ZZEF1: variants seen among roughly 807,000 people sequenced by gnomAD.
ZZEF1 encodes the protein zinc finger ZZ-type and EF-hand domain-containing protein 1.
A neutral mutation model predicts 342.8 loss-of-function variants in ZZEF1; 157 were observed. The observed-to-expected ratio is 0.46, with a 90% CI of 0.40 to 0.52. The LOEUF (loss-of-function observed/expected upper bound fraction) is 0.52. Among genes scored for constraint, ZZEF1 ranks in the 20% least tolerant of loss-of-function variants. The pLI, the probability that ZZEF1 is intolerant of heterozygous loss-of-function variation, is 0.00. For synonymous variants in ZZEF1, 1,505 were observed against 1,429.1 expected, an observed-to-expected ratio of 1.05 and a Z score of -1.20; for missense variants, 3,480 against 3,725.6, an observed-to-expected ratio of 0.93 and a Z score of 1.72.
chr17:4,137,800 G>T (rs563712488), intron 1 of ZZEF1, among the ~76,000 whole-genome samples: 2 of 152,324 alleles, frequency 1.3e-5, no homozygotes, highest in East Asian at 3.9e-4. Flanking sequence ...GATCTGTACA[G>T]AACAGGTAAC....
In ZZEF1 at chr17:4,064,544, G is replaced by A; in HGVS notation, c.4535C>T (p.Thr1512Ile). 2 of 1,614,210 alleles carry A rather than the reference G, an allele frequency of 1.2e-6. No individual in the cohort carries two copies. Among genetic ancestry groups the A allele is most frequent in the Non-Finnish European group, 1.7e-6 (2 of 1,180,048 alleles). Reference protein sequence around the residue: ...GLPAADVSPATAEEPLSPSTP... With the variant: ...GLPAADVSPAIAEEPLSPSTP... ...GGAAGGTGACAAGGGCTCTTCAGCTGTGGCAGGGGACACGTCTGCAGCAGG... is the reference window on the plus strand; with the variant it reads ...GGAAGGTGACAAGGGCTCTTCAGCTATGGCAGGGGACACGTCTGCAGCAGG... The change falls in exon 29 of 55, where the codon ACA (threonine) becomes ATA (isoleucine). Residue 1512 changes from threonine to isoleucine, a missense_variant. This residue lies in a region of ZZEF1 where 1,528 missense variants were observed against 1,624.1 expected (regional missense o/e 0.94). Transcript: ENST00000381638.
intron 1 of ZZEF1, among the ~76,000 whole-genome samples, chr17:4,131,092 A>G (rs1186995701): frequency 6.6e-6 from 1 of 152,164 alleles, no homozygotes; most frequent in Non-Finnish European, 1.5e-5. Flanking sequence ...AAGGTTCTCA[A>G]AAGATGAACT....
Position 4,062,674 on chromosome 17 carries a change from T to C in ZZEF1, c.4883+79A>G, listed in dbSNP as rs2057309471. 7 of 1,409,826 alleles carry C rather than the reference T, an allele frequency of 5.0e-6. No individual in the cohort carries two copies. The South Asian group carries it at 8.8e-5, about 18-fold the overall frequency. The allele number at this position is 1,409,826 out of a possible 1,614,324, so 87.3% of individuals were successfully genotyped here. On this transcript the variant is annotated intron_variant, in intron 30 of 54. Transcript: ENST00000381638. ...GTATCCTACATAGAAATGATGCTGC[T>C]ATTAATCAGAGAAGATAATCAGGAT...
chr17:4,054,691 C>G (rs781849), intron 33 of ZZEF1, among the ~76,000 whole-genome samples: 4,524 of 152,262 alleles, frequency 0.03, 214 homozygotes, highest in African/African-American at 0.1. Flanking sequence ...CACAAAGGGC[C>G]TTGCATATCA....
Position 4,034,272 on chromosome 17 carries a change from T to C in ZZEF1, c.6327A>G (p.Ile2109Met), listed in dbSNP as rs1216066161. The C allele has an allele frequency of 6.2e-7, 1 of 1,614,096 alleles. No individual in the cohort carries two copies. Among genetic ancestry groups the C allele is most frequent in the African/African-American group, 1.3e-5 (1 of 74,928 alleles). ...TGAGTGGAAGGACGTGCTCCAGGTC[T>C]ATCAGGGGAACCGTGGGGCCCTGCC... ...PLKSGPTVPLIDLEHVLPLMF... is the reference protein window; with the variant it reads ...PLKSGPTVPLMDLEHVLPLMF... Residue 2109 changes from isoleucine to methionine, a missense_variant, in exon 40 of 55, where the codon ATA (isoleucine) becomes ATG (methionine). Transcript: ENST00000381638.
chr17:4,020,487 C>T (rs928947436), intron 45 of ZZEF1, among the ~76,000 whole-genome samples: 1 of 151,426 alleles, frequency 6.6e-6, no homozygotes, highest in Admixed American at 6.6e-5. Context: ...GGACTACAGG[C>T]GCATGCCACA....
chr17:4,024,205 T>TTTG (rs1567770332), intron 43 of ZZEF1, among the ~76,000 whole-genome samples: 8 of 144,074 alleles, frequency 5.6e-5, no homozygotes, highest in African/African-American at 1.8e-4. Context: ...TTTTTTTTTT[T>TTTG]TTTTTTTTTA....
At position 4,053,919 on chromosome 17, in the gene ZZEF1, G is replaced by A. The variant is rs568365241; in HGVS notation, c.5434+138C>T. 4 of 944,058 alleles carry A rather than the reference G, an allele frequency of 4.2e-6. No individual in the cohort carries two copies. The Admixed American group carries it at 9.0e-5, about 21-fold the overall frequency. The allele number at this position is 944,058 out of a possible 1,614,324, so 58.5% of individuals were successfully genotyped here. On this transcript the variant is annotated intron_variant, in intron 34 of 54. Transcript: ENST00000381638. ...ATTTAGTTGAGGAGATAAGGCTCAT[G>A]TTCGCCAAGAAGTCAGAGAAAATAC...
intron 36 of ZZEF1, 102 bp from the exon 37 acceptor site, chr17:4,049,961 T>C: frequency 7.3e-7 from 1 of 1,368,000 alleles, no homozygotes; most frequent in Non-Finnish European, 1.0e-6. Flanking sequence ...AATAAATAAA[T>C]GAGTTCTGCA....
chr17:4,062,838 C>CTGCACAGTGCTGAGT lies in ZZEF1; in HGVS notation c.4783_4797dup (p.Thr1595_Ala1599dup), dbSNP rs773811357. The stretch of plus-strand genomic sequence containing the variant: ...AAGCAGTGGGGCTGCCCAAGGGATT[C>CTGCACAGTGCTGAGT]TGCACAGTGCTGAGTTATCTTCAGG... On this transcript the variant is annotated inframe_insertion, in exon 30 of 55. Coordinates refer to ENST00000381638, the MANE Select transcript of ZZEF1 (RefSeq NM_015113.4). 13 of 1,613,530 alleles carry CTGCACAGTGCTGAGT rather than the reference C, an allele frequency of 8.1e-6. No individual in the cohort carries two copies. The highest frequency in any genetic ancestry group is 9.3e-6 in the Non-Finnish European group (11 of 1,179,834).
chr17:4,118,473 C>A (rs1457920043), intron 2 of ZZEF1, among the ~76,000 whole-genome samples: 1 of 152,190 alleles, frequency 6.6e-6, no homozygotes, highest in African/African-American at 2.4e-5. Context: ...CAAACAGCAT[C>A]CCTGTCTGCC....
At position 4,088,903 on chromosome 17, in the gene ZZEF1, A is replaced by C; in HGVS notation, c.2026-10T>G. 1 of 1,613,030 alleles carries C rather than the reference A, an allele frequency of 6.2e-7. No homozygotes were observed. Among genetic ancestry groups the C allele is most frequent in the South Asian group, 1.1e-5 (1 of 91,016 alleles). ...ACTTCACCATCAAATACTGGACAGG[A>C]CAAGAGAGATTTCAATAGAAGAACT... On this transcript the variant is annotated splice_polypyrimidine_tract_variant and intron_variant, in intron 12 of 54. Coordinates refer to ENST00000381638, the MANE Select transcript of ZZEF1 (RefSeq NM_015113.4).
Position 4,006,634 on chromosome 17 carries a change from T to G in ZZEF1, c.*256A>C. On this transcript the variant is annotated 3_prime_UTR_variant, in exon 55 of 55. Coordinates refer to ENST00000381638, the MANE Select transcript of ZZEF1 (RefSeq NM_015113.4). ...CTGGAGAAGGCTGGTCTCTGAACCTTCTTAAGGGCCCCCTGCCCACCCTTT... is the reference window on the plus strand; with the variant it reads ...CTGGAGAAGGCTGGTCTCTGAACCTGCTTAAGGGCCCCCTGCCCACCCTTT... 2 of 523,212 alleles carry G rather than the reference T, an allele frequency of 3.8e-6. No individual in the cohort carries two copies. Among genetic ancestry groups the G allele is most frequent in the Non-Finnish European group, 6.9e-6 (2 of 288,988 alleles). The allele number at this position is 523,212 out of a possible 1,614,324, so 32.4% of individuals were successfully genotyped here. A position where few individuals can be genotyped will look rare whatever the true frequency, so the allele number is the denominator to read the frequency against.
At chr17:4,089,224 T>C (rs1285200478) in intron 12 of ZZEF1, among the ~76,000 whole-genome samples, 1 of 152,112 alleles carries the variant, frequency 6.6e-6, no homozygotes, top group Admixed American at 6.6e-5. Context: ...AAATCAGATA[T>C]AAGACGAAAA....
chr17:4,135,706 A>C (rs992581871), intron 1 of ZZEF1, among the ~76,000 whole-genome samples: 1 of 152,146 alleles, frequency 6.6e-6, no homozygotes, highest in African/African-American at 2.4e-5. Flanking sequence ...CAACCTGCAG[A>C]TCACTGATAA....
chr17:4,085,531 T>A, intron 16 of ZZEF1, 139 bp downstream of exon 16: 1 of 1,015,022 alleles, frequency 9.9e-7, no homozygotes, highest in Non-Finnish European at 1.4e-6. Flanking sequence ...TAGATATCTG[T>A]CCCACACAAA....
chr17:4,032,830 G>C lies in ZZEF1; in HGVS notation c.6757C>G (p.Gln2253Glu). 6.2e-7 allele frequency: 1 copy of C among 1,613,950 alleles called. No homozygotes were observed. The highest frequency in any genetic ancestry group is 8.5e-7 in the Non-Finnish European group (1 of 1,179,846). Reference sequence around the variant, plus strand: ...CTCAGGCCTTCAGAGTGTGGTACCTGGGGGAAGCCAACCAGCACGAGCAGG... The same window carrying C: ...CTCAGGCCTTCAGAGTGTGGTACCTCGGGGAAGCCAACCAGCACGAGCAGG... ...FTLLVLVGFPQVLCVGTRCVY... is the reference protein window; with the variant it reads ...FTLLVLVGFPEVLCVGTRCVY... Residue 2253 changes from glutamine (Q) to glutamate (E), a missense_variant and splice_region_variant, in exon 41 of 55, where the codon CAG becomes GAG. Gln to Glu is a conservative substitution (Grantham distance 29, BLOSUM62 2). Coordinates refer to ENST00000381638, the MANE Select transcript of ZZEF1 (RefSeq NM_015113.4).
chr17:4,095,294 C>G (rs1424013372), intron 11 of ZZEF1, among the ~76,000 whole-genome samples: 1 of 152,238 alleles, frequency 6.6e-6, no homozygotes, highest in Non-Finnish European at 1.5e-5. Context: ...GAGGGCCGCT[C>G]TGCCCTGTGT....
intron 46 of ZZEF1, among the ~76,000 whole-genome samples, chr17:4,018,798 G>A (rs550083753): frequency 1.1e-4 from 16 of 152,190 alleles, no homozygotes; most frequent in African/African-American, 2.4e-4. Flanking sequence ...GCGAGGTGGT[G>A]TGCCACCTCT....
Sources: gnomAD v4.1 joint callset for allele counts (sites outside exome capture counted in the v4.1 genomes callset) on GRCh38, gnomAD v4.1.1 for gene constraint, gnomAD v4.1.1 regional missense constraint, MANE v1.5 for transcripts, NCBI Gene and HGNC (gene_info 2026-07-23, HGNC 2026-07-21) for gene names.